The following MCTP1 variants were observed in gnomAD, a reference collection of about 807,000 sequenced individuals.
The protein encoded by MCTP1 is multiple C2 and transmembrane domain containing 1, also known as multiple C2 and transmembrane domain-containing protein 1.
A neutral mutation model predicts 120.6 loss-of-function variants in MCTP1; 69 were observed. That is an observed-to-expected ratio of 0.57 (90% CI 0.47 to 0.70). The LOEUF is 0.70. MCTP1 is among the 30% of genes least tolerant of loss of function. The probability of loss-of-function intolerance (pLI) is 0.00; values close to 1 mark genes in which losing one functional copy is unlikely to be tolerated. For synonymous variants in MCTP1, 529 were observed against 493.1 expected, an observed-to-expected ratio of 1.07 and a Z score of -0.96; for missense variants, 1,203 against 1,248.8, an observed-to-expected ratio of 0.96 and a Z score of 0.55.
chr5:95,058,215 T>G (rs1747945582), intron 1 of MCTP1, among the ~76,000 whole-genome samples: 1 of 152,246 alleles, frequency 6.6e-6, no homozygotes, highest in African/African-American at 2.4e-5. Context: ...GATTGATTCT[T>G]GGAACAAAGC....
chr5:94,927,423 A>G (rs1445883874), intron 6 of MCTP1, among the ~76,000 whole-genome samples: 1 of 152,192 alleles, frequency 6.6e-6, no homozygotes, highest in South Asian at 2.1e-4. Flanking sequence ...TTTTATGTTT[A>G]CTTCAAAAAT....
chr5:94,736,762 A>G (rs1726222524), intron 19 of MCTP1, among the ~76,000 whole-genome samples: 1 of 152,196 alleles, frequency 6.6e-6, no homozygotes, highest in Non-Finnish European at 1.5e-5. Context: ...TCAGGAGGTA[A>G]TAGAGGTAAA....
At chr5:94,795,422 C>A (rs1266324754) in intron 18 of MCTP1, among the ~76,000 whole-genome samples, 1 of 152,132 alleles carries the variant, frequency 6.6e-6, no homozygotes, top group Non-Finnish European at 1.5e-5. Context: ...GTTTTTAAAT[C>A]AAAGTAAAAG....
chr5:95,264,762 C>T (rs1253472089), intron 1 of MCTP1, among the ~76,000 whole-genome samples: 2 of 152,212 alleles, frequency 1.3e-5, no homozygotes, highest in African/African-American at 4.8e-5. Context: ...CATGGTCTTT[C>T]CCACAGGCAG....
intron 10 of MCTP1, among the ~76,000 whole-genome samples, chr5:94,901,683 G>A (rs1022441533): frequency 6.6e-6 from 1 of 151,460 alleles, no homozygotes; most frequent in Admixed American, 6.6e-5. Flanking sequence ...TCTTTATGGG[G>A]TGATGTTATC....
Position 94,819,118 on chromosome 5 carries a change from T to TTC in MCTP1, c.2437-19987_2437-19986insGA, listed in dbSNP as rs1554106078. On this transcript the variant is annotated intron_variant, in intron 17 of 22. Transcript: ENST00000515393. ...TTATTTATTTATTTATTTATTTATT[T>TTC]ATTCATTCATTCATTCTTTCATTCA... Among the ~76,000 whole-genome samples, 972 of 140,680 alleles carry TTC rather than the reference T, an allele frequency of 6.9e-3. 7 individuals carry two copies. Among genetic ancestry groups the TTC allele is most frequent in the Middle Eastern group, 0.047 (13 of 278 alleles). The allele number at this position is 140,680 out of a possible 152,430, so 92.3% of individuals were successfully genotyped here. A position where few individuals can be genotyped will look rare whatever the true frequency, so the allele number is the denominator to read the frequency against.
intron 19 of MCTP1, among the ~76,000 whole-genome samples, chr5:94,750,415 A>C (rs1234673742): frequency 6.6e-6 from 1 of 152,258 alleles, no homozygotes; most frequent in Non-Finnish European, 1.5e-5. Flanking sequence ...ACAATTGTAT[A>C]ATCATTAAGG....
At chr5:95,143,671 C>A (rs1483261405) in intron 1 of MCTP1, among the ~76,000 whole-genome samples, 1 of 152,130 alleles carries the variant, frequency 6.6e-6, no homozygotes, top group Non-Finnish European at 1.5e-5. Context: ...GTTTTCTGTT[C>A]CTGCATTAAT....
intron 11 of MCTP1, among the ~76,000 whole-genome samples, chr5:94,892,213 G>C (rs1285779622): frequency 1.3e-5 from 2 of 152,160 alleles, no homozygotes; most frequent in Non-Finnish European, 2.9e-5. Flanking sequence ...CCAGCCTTAT[G>C]ACTCGCTGTC....
At chr5:95,093,196 G>A (rs997604470) in intron 1 of MCTP1, among the ~76,000 whole-genome samples, 6 of 152,284 alleles carry the variant, frequency 3.9e-5, no homozygotes, top group South Asian at 2.1e-4. Context: ...GGTTATTGTT[G>A]TTGTTTTTTA....
At chr5:94,816,336 C>A (rs1462808852) in intron 17 of MCTP1, among the ~76,000 whole-genome samples, 1 of 151,960 alleles carries the variant, frequency 6.6e-6, no homozygotes, top group Non-Finnish European at 1.5e-5. Context: ...TATGTGTTGG[C>A]CCCTCTCCCT....
chr5:94,983,495 A>G (rs1464912663), intron 2 of MCTP1, among the ~76,000 whole-genome samples: 4 of 152,178 alleles, frequency 2.6e-5, no homozygotes, highest in South Asian at 4.1e-4. Context: ...AGCTGCCATA[A>G]CAAAGAGATC....
At chr5:94,755,099 C>T (rs1482739560) in intron 19 of MCTP1, among the ~76,000 whole-genome samples, 1 of 152,164 alleles carries the variant, frequency 6.6e-6, no homozygotes, top group Non-Finnish European at 1.5e-5. Flanking sequence ...TCCCAGTCCT[C>T]CCACTTTCTC....
chr5:95,276,251 ATT>A lies in MCTP1; in HGVS notation c.720+7603_720+7604del, dbSNP rs34667866. On this transcript the variant is annotated intron_variant, in intron 1 of 22. Transcript: ENST00000515393. The stretch of plus-strand genomic sequence containing the variant: ...GACAGGATTCTTGGTCAATATTGGG[ATT>A]TTTTTTTTTTTTTTTTTTTTTTTTG... Among the ~76,000 whole-genome samples the A allele has an allele frequency of 5.9e-3, 500 of 84,740 alleles. 2 individuals carry two copies. The highest frequency in any genetic ancestry group is 0.021 in the African/African-American group (437 of 21,076). The allele number at this position is 84,740 out of a possible 152,430, so 55.6% of individuals were successfully genotyped here.
At chr5:95,118,691 A>G (rs1275530232) in intron 1 of MCTP1, among the ~76,000 whole-genome samples, 1 of 152,184 alleles carries the variant, frequency 6.6e-6, no homozygotes, top group Non-Finnish European at 1.5e-5. Flanking sequence ...GGAGAAAGAT[A>G]TTCCATACCA....
At chr5:94,829,670 G>A (rs778489827) in intron 17 of MCTP1, among the ~76,000 whole-genome samples, 1 of 152,182 alleles carries the variant, frequency 6.6e-6, no homozygotes, top group Non-Finnish European at 1.5e-5. Flanking sequence ...GGAAAAAGAT[G>A]TCCTAAAAGG....
At chr5:95,253,832 T>A (rs913866955) in intron 1 of MCTP1, among the ~76,000 whole-genome samples, 1 of 152,078 alleles carries the variant, frequency 6.6e-6, no homozygotes, top group Non-Finnish European at 1.5e-5. Context: ...TTTGAAAGCA[T>A]AATCCAGTAT....
At chr5:94,847,927 A>T in intron 17 of MCTP1, among the ~76,000 whole-genome samples, 1 of 152,032 alleles carries the variant, frequency 6.6e-6, no homozygotes, top group East Asian at 1.9e-4. Flanking sequence ...TTCTGTTTTC[A>T]TCTGCAACTT....
intron 12 of MCTP1, among the ~76,000 whole-genome samples, chr5:94,881,853 G>A (rs1276898737): frequency 1.3e-5 from 2 of 152,032 alleles, no homozygotes; most frequent in Admixed American, 6.6e-5. Flanking sequence ...ATTTTAAAAC[G>A]CCAGATATAC....
Sources: gnomAD v4.1 joint callset for allele counts (sites outside exome capture counted in the v4.1 genomes callset) on GRCh38, gnomAD v4.1.1 for gene constraint, MANE v1.5 for transcripts, NCBI Gene and HGNC (gene_info 2026-07-23, HGNC 2026-07-21) for gene names.